The following CEP128 variants were observed in gnomAD, a reference collection of about 807,000 sequenced individuals.
The protein encoded by CEP128 is centrosomal protein 128.
In CEP128, 132 loss-of-function variants were observed where a neutral mutation model predicts 156.7. That is an observed-to-expected ratio of 0.84 (90% confidence interval 0.73 to 0.97). The LOEUF (loss-of-function observed/expected upper bound fraction) is 0.97, where lower values mean the gene tolerates loss of function less well. Among genes scored for constraint, CEP128 ranks in the 50% least tolerant of loss-of-function variants. The probability of loss-of-function intolerance (pLI) is 0.00; values close to 1 mark genes in which losing one functional copy is unlikely to be tolerated. For synonymous variants in CEP128, 469 were observed against 448.9 expected (o/e 1.04, Z -0.57); for missense variants, 1,252 against 1,281.9 (o/e 0.98, Z 0.36).
intron 2 of CEP128, among the ~76,000 whole-genome samples, chr14:80,956,496 A>G (rs1886696509): frequency 6.6e-6 from 1 of 152,246 alleles, no homozygotes; most frequent in African/African-American, 2.4e-5. Flanking sequence ...GTTAAATGTT[A>G]CCAGATTAGA....
At chr14:80,917,528 T>G (rs944370962) in intron 2 of CEP128, among the ~76,000 whole-genome samples, 1 of 152,140 alleles carries the variant, frequency 6.6e-6, no homozygotes, top group Non-Finnish European at 1.5e-5. Context: ...CATTTCTTTT[T>G]TGTTTTGTTT....
rs549763071 is a variant in CEP128 at position 80,638,909 on chromosome 14, G to A, written c.2807-58486C>T. On this transcript the variant is annotated intron_variant, in intron 19 of 24. Coordinates refer to ENST00000555265, the MANE Select transcript of CEP128 (RefSeq NM_152446.5). ...GTTTTAGAAGTCAATGACTCATTAC[G>A]AAACCACTTAGGTTAAAAAAAGAAG... Among the ~76,000 whole-genome samples, 6 of 152,056 alleles carry A rather than the reference G, an allele frequency of 3.9e-5. No individual in the cohort carries two copies. The East Asian group carries it at 1.2e-3, about 29-fold the overall frequency.
At chr14:80,757,983 C>T (rs1260103632) in intron 17 of CEP128, among the ~76,000 whole-genome samples, 1 of 152,214 alleles carries the variant, frequency 6.6e-6, no homozygotes, top group Non-Finnish European at 1.5e-5. Context: ...ACAGTATTTC[C>T]TTCCTCTTCC....
chr14:80,935,601 A>AAT (rs1201311424), intron 2 of CEP128, among the ~76,000 whole-genome samples: 1 of 134,450 alleles, frequency 7.4e-6, no homozygotes, highest in African/African-American at 2.8e-5. Flanking sequence ...TAAATAAATA[A>AAT]AAATAAAGTA....
chr14:80,789,286 A>T (rs1160754593), intron 14 of CEP128, among the ~76,000 whole-genome samples: 1 of 152,168 alleles, frequency 6.6e-6, no homozygotes, highest in Non-Finnish European at 1.5e-5. Flanking sequence ...ATGAATAGTT[A>T]AAAAAGCTAG....
intron 19 of CEP128, among the ~76,000 whole-genome samples, chr14:80,590,499 G>C (rs1457472767): frequency 1.3e-5 from 2 of 151,882 alleles, no homozygotes; most frequent in Admixed American, 1.3e-4. Flanking sequence ...CCTATATCTA[G>C]TGAAAATACT....
chr14:80,856,734 T>C (rs1230401094), intron 9 of CEP128, among the ~76,000 whole-genome samples: 1 of 131,362 alleles, frequency 7.6e-6, no homozygotes, highest in East Asian at 2.1e-4. Context: ...TTTTTTTTTT[T>C]TTTTTTTTTT....
At chr14:80,950,929 A>T (rs570910111) in intron 2 of CEP128, among the ~76,000 whole-genome samples, 2 of 150,636 alleles carry the variant, frequency 1.3e-5, no homozygotes, top group South Asian at 4.2e-4. Flanking sequence ...AAAAAAGCAG[A>T]TTATAAAGGA....
chr14:80,526,520 G>C (rs968753564), intron 23 of CEP128, among the ~76,000 whole-genome samples: 2 of 152,094 alleles, frequency 1.3e-5, no homozygotes, highest in African/African-American at 4.8e-5. Context: ...TCAGTGTGGA[G>C]AGCAGCTAGA....
chr14:80,523,763 T>C (rs764446576), intron 23 of CEP128, among the ~76,000 whole-genome samples: 4 of 152,200 alleles, frequency 2.6e-5, no homozygotes, highest in Non-Finnish European at 4.4e-5. Context: ...AGAGTATCTA[T>C]TTGATTGGCA....
intron 23 of CEP128, among the ~76,000 whole-genome samples, chr14:80,508,444 G>T (rs1360766895): frequency 6.6e-6 from 1 of 151,790 alleles, no homozygotes. Context: ...TGATGATTTC[G>T]TTTCCTATTT....
At chr14:80,599,161 T>C (rs1892470096) in intron 19 of CEP128, among the ~76,000 whole-genome samples, 1 of 152,136 alleles carries the variant, frequency 6.6e-6, no homozygotes. Context: ...AGATAATGGA[T>C]CTTAAATTTT....
chr14:80,845,821 CAATA>C (rs1242557804), intron 9 of CEP128, among the ~76,000 whole-genome samples: 1 of 152,044 alleles, frequency 6.6e-6, no homozygotes, highest in East Asian at 1.9e-4. Context: ...AGTAGTTGCC[CAATA>C]AATATTAATT....
At chr14:80,955,598 T>G in intron 2 of CEP128, 1 of 1,546,762 alleles carries the variant, frequency 6.5e-7, no homozygotes, top group Non-Finnish European at 8.9e-7. Context: ...CCGGGTCTCC[T>G]TTGGCCTGGG....
At chr14:80,689,940 T>C (rs1896660363) in intron 19 of CEP128, among the ~76,000 whole-genome samples, 1 of 151,998 alleles carries the variant, frequency 6.6e-6, no homozygotes, top group Admixed American at 6.6e-5. Flanking sequence ...AAAAGGACAA[T>C]AGAGGGAAAA....
intron 4 of CEP128, among the ~76,000 whole-genome samples, chr14:80,912,458 ATACTC>A (rs1383426292): frequency 1.2e-4 from 18 of 152,306 alleles, no homozygotes; most frequent in Admixed American, 4.6e-4. Flanking sequence ...AAGTAGGACT[ATACTC>A]TACTAATGGT....
upstream of CEP128, among the ~76,000 whole-genome samples, chr14:80,943,827 C>G (rs1382149707): frequency 6.6e-6 from 1 of 152,040 alleles, no homozygotes; most frequent in African/African-American, 2.4e-5. Context: ...AACTCCATCT[C>G]TACTAAAAAT....
intron 19 of CEP128, among the ~76,000 whole-genome samples, chr14:80,650,560 T>C (rs572535360): frequency 1.3e-5 from 2 of 152,302 alleles, no homozygotes; most frequent in South Asian, 4.1e-4. Flanking sequence ...GGGTGTGTCA[T>C]AAATAGCTCT....
At position 80,779,801 on chromosome 14, in the gene CEP128, A is replaced by G. The variant is rs1901005503; in HGVS notation, c.2212-1755T>C. 2.6e-5 allele frequency among the ~76,000 whole-genome samples: 4 copies of G among 152,196 alleles called. No individual in the cohort carries two copies. In the South Asian group the frequency reaches 8.3e-4, roughly 32 times the overall value. On this transcript the variant is annotated intron_variant, in intron 15 of 24. Coordinates refer to ENST00000555265, the MANE Select transcript of CEP128 (RefSeq NM_152446.5). ...CAACTTACTTATTGTTGTGGTTTTT[A>G]TTACGTTTATATTTCATTTCAGAAT...
Sources: gnomAD v4.1 joint callset for allele counts (sites outside exome capture counted in the v4.1 genomes callset) on GRCh38, gnomAD v4.1.1 for gene constraint, MANE v1.5 for transcripts, NCBI Gene and HGNC (gene_info 2026-07-23, HGNC 2026-07-21) for gene names.